Variants in PTPRQ observed in about 807,000 individuals in gnomAD.
The protein encoded by PTPRQ is phosphatidylinositol phosphatase PTPRQ.
A neutral mutation model predicts 246.0 loss-of-function variants in PTPRQ; 199 were observed. The ratio of observed to expected loss-of-function variants is 0.81; its 90% confidence interval spans 0.72 to 0.91. The LOEUF (loss-of-function observed/expected upper bound fraction) is 0.91. Among genes scored for constraint, PTPRQ ranks in the 40% least tolerant of loss-of-function variants. The probability of loss-of-function intolerance (pLI) is 0.00; values close to 1 mark genes in which losing one functional copy is unlikely to be tolerated. For missense variants in PTPRQ, 2,624 were observed against 2,528.4 expected (o/e 1.04, Z -0.81); for synonymous variants, 869 against 853.2 (o/e 1.02, Z -0.32).
intron 17 of PTPRQ, among the ~76,000 whole-genome samples, chr12:80,516,659 T>G (rs1338902962): frequency 6.6e-6 from 1 of 152,224 alleles, no homozygotes; most frequent in East Asian, 1.9e-4. Context: ...GACTTCTGAA[T>G]CCTAAAAAAG....
chr12:80,483,534 GA>G (rs1291998095), intron 8 of PTPRQ, among the ~76,000 whole-genome samples: 1 of 151,008 alleles, frequency 6.6e-6, no homozygotes, highest in Non-Finnish European at 1.5e-5. Context: ...AATAATAAAA[GA>G]AAAAAAAGAA....
intron 33 of PTPRQ, among the ~76,000 whole-genome samples, chr12:80,631,749 A>G (rs1027799017): frequency 1.3e-5 from 2 of 152,348 alleles, no homozygotes; most frequent in Admixed American, 6.5e-5. Flanking sequence ...GGCCTTAGCA[A>G]CTACAGTAAT....
intron 8 of PTPRQ, among the ~76,000 whole-genome samples, chr12:80,481,880 A>G (rs1343789888): frequency 6.6e-6 from 1 of 151,808 alleles, no homozygotes; most frequent in Non-Finnish European, 1.5e-5. Context: ...AAAAGAGGAT[A>G]CAAACAAATG....
Position 80,467,507 on chromosome 12 carries a change from G to A in PTPRQ, c.911-1203G>A, listed in dbSNP as rs552777667. Among the ~76,000 whole-genome samples the A allele has an allele frequency of 1.2e-3, 185 of 152,258 alleles. 2 individuals are homozygous for A. The highest frequency in any genetic ancestry group is 4.1e-3 in the African/African-American group (171 of 41,528). The stretch of plus-strand genomic sequence containing the variant: ...TTTGACCCAGCCATCCCATTACTGG[G>A]TATATACCCAAAGGACTATAAAACA... On this transcript the variant is annotated intron_variant, in intron 6 of 44. Coordinates refer to ENST00000644991, the MANE Select transcript of PTPRQ (RefSeq NM_001145026.2).
chr12:80,481,442 G>C (rs575335972), intron 8 of PTPRQ, among the ~76,000 whole-genome samples: 2 of 152,116 alleles, frequency 1.3e-5, no homozygotes, highest in East Asian at 3.8e-4. Flanking sequence ...AAAACTGGAA[G>C]CATTCCCTTT....
chr12:80,672,186 G>A (rs747632134), intron 42 of PTPRQ, among the ~76,000 whole-genome samples: 7 of 151,390 alleles, frequency 4.6e-5, no homozygotes, highest in Non-Finnish European at 8.8e-5. Context: ...TTTATGTGTC[G>A]TTTTCCTCTG....
chr12:80,621,987 A>C (rs954097050), intron 32 of PTPRQ, 74 bp from the exon 33 acceptor site: 14 of 1,034,576 alleles, frequency 1.4e-5, no homozygotes, highest in Middle Eastern at 2.6e-4. Context: ...AGTTTTTATA[A>C]TTACTTCTTG....
At chr12:80,641,986 C>T (rs914334266) in intron 35 of PTPRQ, among the ~76,000 whole-genome samples, 5 of 149,116 alleles carry the variant, frequency 3.4e-5, no homozygotes, top group African/African-American at 1.2e-4. Context: ...TTCTTGCTTG[C>T]TTGCTTCTTT....
At chr12:80,539,630 T>A in intron 19 of PTPRQ, 146 bp from the exon 20 acceptor site, 1 of 618,288 alleles carries the variant, frequency 1.6e-6, no homozygotes. Flanking sequence ...ATTGTTGCAA[T>A]AAAAAATGTT....
chr12:80,563,220 C>T (rs1896878187), intron 25 of PTPRQ, among the ~76,000 whole-genome samples: 1 of 152,150 alleles, frequency 6.6e-6, no homozygotes. Context: ...GAAAGTCCAA[C>T]ATCAGGGCAC....
At position 80,506,173 on chromosome 12, in the gene PTPRQ, A is replaced by T; in HGVS notation, c.2422A>T (p.Ile808Leu). 6.6e-7 allele frequency: 1 copy of T among 1,519,878 alleles called. No individual in the cohort carries two copies. The highest frequency in any genetic ancestry group is 8.8e-7 in the Non-Finnish European group (1 of 1,135,662). The allele number at this position is 1,519,878 out of a possible 1,614,324, so 94.1% of individuals were successfully genotyped here. ...AAGTAATGGAAATGAGGAAAGAACT[A>T]TAAATACAACCTCTTTAACCCAAAA... ...KRSNGNEERT[I>L]NTTSLTQNIK... Residue 808 changes from isoleucine to leucine, a missense_variant, in exon 15 of 45, where the codon ATA becomes TTA. Ile to Leu is a conservative substitution (Grantham distance 5, BLOSUM62 2). Coordinates refer to ENST00000644991, the MANE Select transcript of PTPRQ (RefSeq NM_001145026.2).
intron 31 of PTPRQ, 120 bp downstream of exon 31, chr12:80,619,662 G>T: frequency 1.5e-6 from 1 of 671,860 alleles, no homozygotes. Flanking sequence ...GAGATTAATA[G>T]ATTGTCAATA....
At chr12:80,668,665 T>C (rs1900865958) in intron 39 of PTPRQ, among the ~76,000 whole-genome samples, 1 of 151,936 alleles carries the variant, frequency 6.6e-6, no homozygotes, top group African/African-American at 2.4e-5. Context: ...ACAATGATTT[T>C]ATAAGAATAT....
chr12:80,503,395 T>A (rs1894861569), intron 14 of PTPRQ, among the ~76,000 whole-genome samples: 1 of 151,804 alleles, frequency 6.6e-6, no homozygotes, highest in Admixed American at 6.6e-5. Flanking sequence ...GTTTTAAAAG[T>A]ATCAATATTC....
chr12:80,620,262 C>T lies in PTPRQ; in HGVS notation c.5498C>T (p.Thr1833Ile), dbSNP rs771182765. The T allele has an allele frequency of 6.5e-7, 1 of 1,549,310 alleles. No individual in the cohort carries two copies. Among genetic ancestry groups the T allele is most frequent in the South Asian group, 1.2e-5 (1 of 83,990 alleles). Residue 1833 changes from threonine (T) to isoleucine (I), a missense_variant, in exon 32 of 45, where the codon ACA becomes ATA. Transcript: ENST00000644991. ...FPNPPCTEGK[T>I]KFSGNEEIYI... ...AACCCTCCATGTACAGAAGGAAAGA[C>T]AAAGTTTAGTGGCAATGAAGAAATC...
chr12:80,652,916 ATTTT>A, intron 38 of PTPRQ, 82 bp downstream of exon 38: 1 of 1,313,782 alleles, frequency 7.6e-7, no homozygotes, highest in Non-Finnish European at 9.9e-7. Flanking sequence ...TCCTTAATAT[ATTTT>A]ATTTTATATT....
intron 35 of PTPRQ, among the ~76,000 whole-genome samples, chr12:80,647,962 T>A (rs1482236908): frequency 1.3e-5 from 2 of 152,128 alleles, no homozygotes; most frequent in Non-Finnish European, 2.9e-5. Flanking sequence ...CCCATATTTT[T>A]CAACAATTCC....
At chr12:80,465,624 G>A (rs1356528992) in intron 6 of PTPRQ, 3 of 152,176 alleles carry the variant, frequency 2.0e-5, no homozygotes. Context: ...CTGGCAAATG[G>A]AATCCAGCAG....
intron 29 of PTPRQ, among the ~76,000 whole-genome samples, chr12:80,614,886 A>G (rs1174849868): frequency 6.6e-6 from 1 of 150,958 alleles, no homozygotes; most frequent in Non-Finnish European, 1.5e-5. Flanking sequence ...TGGCTATTGG[A>G]AGAGAGAAAA....
Sources: allele counts gnomAD v4.1 joint callset (sites outside exome capture counted in the v4.1 genomes callset), GRCh38; gene constraint gnomAD v4.1.1; transcripts MANE v1.5; gene names NCBI Gene and HGNC (gene_info 2026-07-23, HGNC 2026-07-21).